Variants in HSBP1L1 observed in about 807,000 individuals in gnomAD.
HSBP1L1 encodes the protein heat shock factor binding protein 1 like 1.
A neutral mutation model predicts 9.7 loss-of-function variants in HSBP1L1; 8 were observed. The ratio of observed to expected loss-of-function variants is 0.82; its 90% CI spans 0.48 to 1.48. HSBP1L1 has a LOEUF of 1.48. HSBP1L1 is among the 40% of genes most tolerant of loss of function. The probability of loss-of-function intolerance (pLI) is 0.00; values close to 1 mark genes in which losing one functional copy is unlikely to be tolerated. For synonymous variants in HSBP1L1, 39 were observed against 34.4 expected (o/e 1.13, Z -0.46); for missense variants, 106 against 95.8 (o/e 1.11, Z -0.44).
intron 1 of HSBP1L1, among the ~76,000 whole-genome samples, chr18:79,965,771 T>C (rs2051253570): frequency 6.6e-6 from 1 of 152,092 alleles, no homozygotes; most frequent in Admixed American, 6.5e-5. Context: ...TGGTGTGTGG[T>C]GTGAGGAGGG....
At chr18:79,966,544 G>T in intron 1 of HSBP1L1, 68 bp from the exon 2 acceptor site, 7 of 1,032,418 alleles carry the variant, frequency 6.8e-6, no homozygotes, top group East Asian at 2.9e-5. Flanking sequence ...CTTCATCTCA[G>T]AAAAAAAAAA....
At position 79,970,625 on chromosome 18, in the gene HSBP1L1, A is replaced by G. The variant is rs577675963; in HGVS notation, c.*174A>G. On this transcript the variant is annotated 3_prime_UTR_variant, in exon 4 of 4. Transcript: ENST00000451882. ...AGAGAAGGAGGCCATCGGCAAGCCA[A>G]GGAGAGCCCTCCCCAGAAATCACAC... 5.1e-5 allele frequency: 31 copies of G among 605,662 alleles called. No individual in the cohort carries two copies. The African/African-American group carries it at 5.2e-4, about 10-fold the overall frequency. The allele number at this position is 605,662 out of a possible 1,614,324, so 37.5% of individuals were successfully genotyped here.
rs138319917 is a variant in HSBP1L1 at position 79,968,066 on chromosome 18, C to T, written c.119-23C>T. ...TCGGCGGCTCTGGACTCCAGCTCTA[C>T]GCAGAGCGCCTTAACACTGTACTGG... On this transcript the variant is annotated intron_variant, in intron 2 of 3. Coordinates refer to ENST00000451882, the MANE Select transcript of HSBP1L1 (RefSeq NM_001136180.2). 7.9e-4 allele frequency: 1,170 copies of T among 1,475,858 alleles called. 1 individual carries two copies. Among genetic ancestry groups the T allele is most frequent in the Non-Finnish European group, 9.4e-4 (1,019 of 1,081,504 alleles). The allele number at this position is 1,475,858 out of a possible 1,614,324, so 91.4% of individuals were successfully genotyped here. A position where few individuals can be genotyped will look rare whatever the true frequency, so the allele number is the denominator to read the frequency against.
At position 79,969,385 on chromosome 18, in the gene HSBP1L1, AAGAAAG is replaced by A. The variant is rs1345542973; in HGVS notation, c.214-1053_214-1048del. On this transcript the variant is annotated intron_variant, in intron 3 of 3. Coordinates refer to ENST00000451882, the MANE Select transcript of HSBP1L1 (RefSeq NM_001136180.2). ...AAAGAAAGAAAGAAAGAAAGAAAGAAAGAAAGAAAAAAAAACGATGCAGAATAGCGC... is the reference window on the plus strand; with the variant it reads ...AAAGAAAGAAAGAAAGAAAGAAAGAAAAAAAAAAACGATGCAGAATAGCGC... Among the ~76,000 whole-genome samples, 39 of 62,152 alleles carry A rather than the reference AAGAAAG, an allele frequency of 6.3e-4. 1 individual carries two copies. Among genetic ancestry groups the A allele is most frequent in the Middle Eastern group, 7.4e-3 (1 of 136 alleles). The allele number at this position is 62,152 out of a possible 152,430, so 40.8% of individuals were successfully genotyped here.
chr18:79,968,609 C>G (rs925847480), intron 3 of HSBP1L1, among the ~76,000 whole-genome samples: 7 of 152,158 alleles, frequency 4.6e-5, no homozygotes, highest in Admixed American at 2.0e-4. Context: ...CAGGCGTGAG[C>G]CACCACGCCC....
chr18:79,969,689 A>T (rs1437335568), intron 3 of HSBP1L1, among the ~76,000 whole-genome samples: 1 of 152,140 alleles, frequency 6.6e-6, no homozygotes, highest in Non-Finnish European at 1.5e-5. Context: ...TAACCTTCAG[A>T]CGTTTATTCT....
chr18:79,964,912 A>T, intron 1 of HSBP1L1, 126 bp downstream of exon 1: 1 of 375,534 alleles, frequency 2.7e-6, no homozygotes, highest in Non-Finnish European at 4.2e-6. Context: ...TGGGGCCCTG[A>T]GGTCCTGGGG....
At chr18:79,968,233 T>A (rs2051267569) in intron 3 of HSBP1L1, 50 bp downstream of exon 3, 2 of 1,091,490 alleles carry the variant, frequency 1.8e-6, no homozygotes, top group African/African-American at 1.5e-5. Context: ...TTTTGACTGC[T>A]TTCATCTTGA....
At chr18:79,966,260 T>C (rs1457791756) in intron 1 of HSBP1L1, among the ~76,000 whole-genome samples, 9 of 151,652 alleles carry the variant, frequency 5.9e-5, no homozygotes, top group Non-Finnish European at 1.0e-4. Context: ...ATGTCATACG[T>C]GGGCCAGGTG....
intron 1 of HSBP1L1, among the ~76,000 whole-genome samples, chr18:79,965,858 T>A (rs2051253973): frequency 6.6e-6 from 1 of 152,226 alleles, no homozygotes; most frequent in South Asian, 2.1e-4. Context: ...CCTTTCCCTC[T>A]GAATCCAAAG....
chr18:79,969,228 A>G (rs1332063546), intron 3 of HSBP1L1, among the ~76,000 whole-genome samples: 2 of 85,174 alleles, frequency 2.3e-5, no homozygotes, highest in African/African-American at 7.8e-5. Context: ...AAGAAAGAGG[A>G]GAGAGAGGAG....
At chr18:79,966,730 T>G (rs1385261677) in intron 2 of HSBP1L1, 52 bp downstream of exon 2, 1 of 1,242,302 alleles carries the variant, frequency 8.0e-7, no homozygotes, top group Non-Finnish European at 1.1e-6. Context: ...ACTGGTAGAT[T>G]ATCATGGAGT....
chr18:79,967,950 GC>G (rs1250298684), intron 2 of HSBP1L1, 138 bp from the exon 3 acceptor site: 1 of 557,168 alleles, frequency 1.8e-6, no homozygotes, highest in Non-Finnish European at 3.2e-6. Context: ...AAGCTGATTT[GC>G]ATGGACACTA....
At chr18:79,970,292 A>G (rs1568356973) in intron 3 of HSBP1L1, 148 bp from the exon 4 acceptor site, 6 of 637,534 alleles carry the variant, frequency 9.4e-6, no homozygotes, top group East Asian at 8.3e-5. Context: ...ATAATGAGAT[A>G]AACTTGAAAT....
chr18:79,965,631 C>G (rs1051739782), intron 1 of HSBP1L1, among the ~76,000 whole-genome samples: 5 of 152,218 alleles, frequency 3.3e-5, no homozygotes, highest in African/African-American at 7.2e-5. Flanking sequence ...GGTGGTATTT[C>G]TGTGTGACCT....
intron 1 of HSBP1L1, among the ~76,000 whole-genome samples, chr18:79,965,973 C>T (rs1041282369): frequency 5.9e-5 from 9 of 152,098 alleles, no homozygotes; most frequent in Non-Finnish European, 1.3e-4. Context: ...ACTCTGTCGC[C>T]CAGGCTGGAG....
chr18:79,964,689 G>A lies in HSBP1L1; in HGVS notation c.-47G>A. 2.5e-6 allele frequency: 3 copies of A among 1,209,046 alleles called. No homozygotes were observed. The highest frequency in any genetic ancestry group is 3.3e-6 in the Non-Finnish European group (3 of 902,320). 74.9% of individuals were successfully genotyped at this position (1,209,046 alleles called of 1,614,324 possible). A position where few individuals can be genotyped will look rare whatever the true frequency, so the allele number is the denominator to read the frequency against. The stretch of plus-strand genomic sequence containing the variant: ...GCTGTCGCCACCTCGCGCCGGGTCC[G>A]CGCGGCCCACGGGACCCCCCACTGA... On this transcript the variant is annotated 5_prime_UTR_variant, in exon 1 of 4. Coordinates refer to ENST00000451882, the MANE Select transcript of HSBP1L1 (RefSeq NM_001136180.2).
intron 1 of HSBP1L1, 39 bp from the exon 2 acceptor site, chr18:79,966,573 T>A: frequency 6.9e-7 from 1 of 1,441,488 alleles, no homozygotes. Flanking sequence ...ATGCCAACAG[T>A]AAATATTTAT....
chr18:79,969,992 C>T (rs1475537485), intron 3 of HSBP1L1: 2 of 164,366 alleles, frequency 1.2e-5, no homozygotes, highest in East Asian at 1.5e-4. Context: ...AATTTCTGGA[C>T]TTTGCCTAGA....
Sources: allele counts gnomAD v4.1 joint callset (sites outside exome capture counted in the v4.1 genomes callset), GRCh38; gene constraint gnomAD v4.1.1; transcripts MANE v1.5; gene names NCBI Gene and HGNC (gene_info 2026-07-23, HGNC 2026-07-21).